LUC7L: variants seen among roughly 807,000 people sequenced by gnomAD.
LUC7L encodes putative RNA-binding protein Luc7-like 1.
A neutral mutation model predicts 51.1 loss-of-function variants in LUC7L; 29 were observed. The observed-to-expected ratio is 0.57, with a 90% CI of 0.42 to 0.77. LUC7L has a LOEUF of 0.77. Ranked by LOEUF, LUC7L falls within the 30% of genes least tolerant of loss-of-function variation. LUC7L has a pLI of 0.00. For synonymous variants in LUC7L, 181 were observed against 180.7 expected (o/e 1.00, Z -0.01); for missense variants, 403 against 511.9 (o/e 0.79, Z 2.05).
Position 221,295 on chromosome 16 carries a change from T to C in LUC7L, c.157-548A>G, listed in dbSNP as rs151325254. On this transcript the variant is annotated intron_variant, in intron 2 of 9. Coordinates refer to ENST00000293872, the MANE Select transcript of LUC7L (RefSeq NM_201412.3). ...TCTGACCTCAAGTGATACACCCACC[T>C]TGGCCTCCCAAAGAGCTGGCATTAC... Among the ~76,000 whole-genome samples, 340 of 145,914 alleles carry C rather than the reference T, an allele frequency of 2.3e-3. 2 individuals are homozygous for C. Among genetic ancestry groups the C allele is most frequent in the Middle Eastern group, 0.011 (3 of 276 alleles).
chr16:203,486 C>T (rs2049390293), intron 5 of LUC7L, among the ~76,000 whole-genome samples: 1 of 152,022 alleles, frequency 6.6e-6, no homozygotes, highest in Admixed American at 6.6e-5. Flanking sequence ...CTAGGCAGAT[C>T]GCTTGAGCCA....
rs533786274 is a variant in LUC7L at position 217,698 on chromosome 16, ACT to A, written c.255+2949_255+2950del. Among the ~76,000 whole-genome samples the A allele has an allele frequency of 3.4e-3, 492 of 143,626 alleles. 1 individual carries two copies. The highest frequency in any genetic ancestry group is 0.012 in the African/African-American group (461 of 38,106). 94.2% of individuals were successfully genotyped at this position (143,626 alleles called of 152,430 possible). On this transcript the variant is annotated intron_variant, in intron 3 of 9. Transcript: ENST00000293872. ...CTACAGCCTGGGCAACAAGAGTGAG[ACT>A]CTGTTTCAAAAAAAAAAAAAATTTT...
At chr16:202,592 G>C (rs963148153) in intron 5 of LUC7L, among the ~76,000 whole-genome samples, 2 of 152,040 alleles carry the variant, frequency 1.3e-5, no homozygotes, top group Admixed American at 1.3e-4. Context: ...AGGAGCAATG[G>C]GCTCTACCAT....
At chr16:197,656 T>C (rs2049189983) in intron 6 of LUC7L, among the ~76,000 whole-genome samples, 2 of 152,192 alleles carry the variant, frequency 1.3e-5, no homozygotes, top group Admixed American at 6.5e-5. Flanking sequence ...CTGCACCAGC[T>C]CCCATCACAG....
intron 3 of LUC7L, among the ~76,000 whole-genome samples, chr16:217,111 G>A (rs1038719070): frequency 1.3e-5 from 2 of 152,030 alleles, no homozygotes; most frequent in Non-Finnish European, 2.9e-5. Flanking sequence ...TCACCAACTG[G>A]GTTCAAGCCA....
At chr16:207,907 G>C (rs930443537) in intron 4 of LUC7L, among the ~76,000 whole-genome samples, 171 bp downstream of exon 4, 1 of 152,130 alleles carries the variant, frequency 6.6e-6, no homozygotes, top group Admixed American at 6.6e-5. Flanking sequence ...TACTCGGGAG[G>C]CTGAGGCAGG....
rs372906826 is a variant in LUC7L at position 221,186 on chromosome 16, A to ATTTTT, written c.157-444_157-440dup. ...AGGCACGTGATACCACACCCAGCTA[A>ATTTTT]TTTTTTTTTTTTTTTTTTTTTTTTT... On this transcript the variant is annotated intron_variant, in intron 2 of 9. Transcript: ENST00000293872. Among the ~76,000 whole-genome samples, 198 of 101,220 alleles carry ATTTTT rather than the reference A, an allele frequency of 2.0e-3. 6 individuals carry two copies. Among genetic ancestry groups the ATTTTT allele is most frequent in the African/African-American group, 4.3e-3 (116 of 26,884 alleles). The allele number at this position is 101,220 out of a possible 152,430, so 66.4% of individuals were successfully genotyped here.
intron 3 of LUC7L, chr16:220,427 C>T (rs2049932643): frequency 4.5e-6 from 2 of 447,022 alleles, no homozygotes; most frequent in South Asian, 4.1e-5. Context: ...TTTTTAAAAG[C>T]AACAAAATGA....
intron 3 of LUC7L, chr16:209,310 T>A (rs1457248305): frequency 6.6e-6 from 1 of 151,902 alleles, no homozygotes; most frequent in Non-Finnish European, 1.5e-5. Flanking sequence ...CCCAATACAG[T>A]GAAGCCCCAT....
Position 206,145 on chromosome 16 carries a change from T to C in LUC7L, c.369A>G (p.Ala123=), listed in dbSNP as rs1330005470. Residue 123 remains alanine (A), a splice_region_variant and synonymous_variant, in exon 5 of 10, where the codon GCA becomes GCG. Coordinates refer to ENST00000293872, the MANE Select transcript of LUC7L (RefSeq NM_201412.3). ...EEISAEVSAK[A]EKVHELNEEI... ...CTTCATTTAACTCATGTACTTTTTC[T>C]GCCTGTGAGGAGAAAGAATGAGGTA... The C allele has an allele frequency of 1.2e-6, 2 of 1,612,592 alleles. No individual in the cohort carries two copies. Among genetic ancestry groups the C allele is most frequent in the African/African-American group, 2.7e-5 (2 of 74,856 alleles).
intron 3 of LUC7L, among the ~76,000 whole-genome samples, chr16:213,513 C>T (rs943169475): frequency 2.0e-5 from 3 of 152,160 alleles, no homozygotes; most frequent in Non-Finnish European, 2.9e-5. Context: ...AATTCCCCTG[C>T]CTCAGCCTCC....
intron 1 of LUC7L, chr16:227,745 C>A (rs1455878673): frequency 9.9e-7 from 1 of 1,009,900 alleles, no homozygotes; most frequent in Non-Finnish European, 1.2e-6. Context: ...TTAATCTAAT[C>A]TTTTTGTTAT....
chr16:227,611 A>G, intron 1 of LUC7L: 1 of 1,253,070 alleles, frequency 8.0e-7, no homozygotes, highest in South Asian at 1.9e-5. Context: ...GCTGAGCACC[A>G]AAAGGCCATT....
At chr16:207,941 G>A (rs553093420) in intron 4 of LUC7L, 137 bp downstream of exon 4, 14 of 544,526 alleles carry the variant, frequency 2.6e-5, no homozygotes, top group South Asian at 1.7e-4. Flanking sequence ...CCCGGGAGGC[G>A]GAGCTTGCAC....
At chr16:203,131 G>C (rs968970615) in intron 5 of LUC7L, among the ~76,000 whole-genome samples, 1 of 152,052 alleles carries the variant, frequency 6.6e-6, no homozygotes, top group Non-Finnish European at 1.5e-5. Context: ...CTGGGCAACA[G>C]AGAGAGACTC....
At chr16:196,770 G>A (rs1473754684) in intron 6 of LUC7L, among the ~76,000 whole-genome samples, 3 of 151,908 alleles carry the variant, frequency 2.0e-5, no homozygotes, top group Admixed American at 6.6e-5. Context: ...TAAGTGATCC[G>A]CCCTCCTCAG....
At chr16:206,749 G>A (rs535702370) in intron 4 of LUC7L, among the ~76,000 whole-genome samples, 44 of 151,998 alleles carry the variant, frequency 2.9e-4, no homozygotes, top group Non-Finnish European at 4.7e-4. Context: ...TTTATGTGGA[G>A]ATATTAAAGT....
intron 6 of LUC7L, among the ~76,000 whole-genome samples, chr16:198,311 T>G (rs1230181786): frequency 6.7e-6 from 1 of 148,770 alleles, no homozygotes; most frequent in East Asian, 2.0e-4. Flanking sequence ...AAAAAAGTTT[T>G]TAAATGTCTT....
At chr16:192,840 C>T (rs1370430321) in intron 7 of LUC7L, 87 bp downstream of exon 7, 2 of 1,186,890 alleles carry the variant, frequency 1.7e-6, no homozygotes, top group Non-Finnish European at 2.5e-6. Context: ...TGGGCAGGCC[C>T]TGCCTATTCC....
Sources: allele counts gnomAD v4.1 joint callset (sites outside exome capture counted in the v4.1 genomes callset), GRCh38; gene constraint gnomAD v4.1.1; transcripts MANE v1.5; gene names NCBI Gene and HGNC (gene_info 2026-07-23, HGNC 2026-07-21).